Variants in DOCK1 observed in about 807,000 individuals in gnomAD.
DOCK1 encodes dedicator of cytokinesis 1.
DOCK1 carries 138 observed loss-of-function variants against 262.7 expected under a neutral mutation model. That is an observed-to-expected ratio of 0.53 (90% CI 0.46 to 0.61). The LOEUF (loss-of-function observed/expected upper bound fraction) is 0.61, where lower values mean the gene tolerates loss of function less well. Among genes scored for constraint, DOCK1 ranks in the 20% least tolerant of loss-of-function variants. DOCK1 has a pLI of 0.00. For missense variants in DOCK1, 1,908 were observed against 2,370.7 expected (o/e 0.80, Z 4.05); for synonymous variants, 866 against 867.4 (o/e 1.00, Z 0.03).
intron 1 of DOCK1, among the ~76,000 whole-genome samples, chr10:126,950,408 T>G (rs1421073929): frequency 6.6e-6 from 1 of 152,046 alleles, no homozygotes; most frequent in Non-Finnish European, 1.5e-5. Flanking sequence ...AGCTGTGACA[T>G]GTAAAGGCTC....
At chr10:126,953,525 ACTG>A (rs1312373951) in intron 1 of DOCK1, among the ~76,000 whole-genome samples, 2 of 150,790 alleles carry the variant, frequency 1.3e-5, no homozygotes, top group African/African-American at 2.4e-5. Flanking sequence ...TGGTGGTAGT[ACTG>A]CTGATGGTGG....
At chr10:127,034,635 A>G (rs535093007) in intron 18 of DOCK1, among the ~76,000 whole-genome samples, 64 of 152,256 alleles carry the variant, frequency 4.2e-4, no homozygotes, top group Admixed American at 1.8e-3. Flanking sequence ...AATTTAACCC[A>G]AAGGTGACAT....
At chr10:127,036,740 G>A (rs1331197571) in intron 18 of DOCK1, among the ~76,000 whole-genome samples, 2 of 151,960 alleles carry the variant, frequency 1.3e-5, no homozygotes, top group African/African-American at 2.4e-5. Flanking sequence ...TTGGGAGGCT[G>A]AGGCAGGTGG....
intron 23 of DOCK1, among the ~76,000 whole-genome samples, chr10:127,065,879 A>G (rs2045839029): frequency 6.6e-6 from 1 of 151,610 alleles, no homozygotes; most frequent in Non-Finnish European, 1.5e-5. Flanking sequence ...AAAAGAAAAG[A>G]CCTGGGGTCT....
intron 23 of DOCK1, among the ~76,000 whole-genome samples, chr10:127,081,884 A>G (rs745431947): frequency 1.6e-4 from 24 of 152,066 alleles, no homozygotes; most frequent in Non-Finnish European, 2.6e-4. Flanking sequence ...TCTCGTCACC[A>G]CCGTAATCAA....
intron 1 of DOCK1, among the ~76,000 whole-genome samples, chr10:126,949,032 G>T (rs1028525902): frequency 1.3e-5 from 2 of 152,092 alleles, no homozygotes; most frequent in Non-Finnish European, 2.9e-5. Flanking sequence ...CTTTGCTTTG[G>T]TTCCCTGGCC....
At chr10:127,071,989 C>T (rs933405614) in intron 23 of DOCK1, among the ~76,000 whole-genome samples, 5 of 152,160 alleles carry the variant, frequency 3.3e-5, no homozygotes, top group African/African-American at 7.2e-5. Flanking sequence ...GCCATGGTGG[C>T]TTCAGTGCTC....
At chr10:127,222,077 C>G (rs2058457638) in intron 27 of DOCK1, among the ~76,000 whole-genome samples, 1 of 152,146 alleles carries the variant, frequency 6.6e-6, no homozygotes, top group African/African-American at 2.4e-5. Flanking sequence ...TAATGAAATT[C>G]TATCAGGGAG....
At chr10:127,124,978 G>T (rs532073139) in intron 25 of DOCK1, among the ~76,000 whole-genome samples, 2 of 152,054 alleles carry the variant, frequency 1.3e-5, no homozygotes, top group Admixed American at 1.3e-4. Flanking sequence ...TTAGCTGGGC[G>T]TGGTGGCAGG....
intron 27 of DOCK1, among the ~76,000 whole-genome samples, chr10:127,157,833 C>T (rs2053229857): frequency 6.6e-6 from 1 of 152,124 alleles, no homozygotes; most frequent in East Asian, 1.9e-4. Flanking sequence ...GTTTGGAGTC[C>T]ATGAATGTCA....
intron 1 of DOCK1, 25 bp from the exon 2 acceptor site, chr10:126,970,677 T>C: frequency 1.9e-6 from 3 of 1,566,556 alleles, no homozygotes; most frequent in Non-Finnish European, 2.6e-6. Context: ...CTATTACTAA[T>C]ATATTTCCCC....
Position 127,146,401 on chromosome 10 carries a change from G to A in DOCK1, c.2847+18637G>A, listed in dbSNP as rs544329790. On this transcript the variant is annotated intron_variant, in intron 27 of 51. Transcript: ENST00000623213. ...AGTAAAAATGACTAAACCTAAATCC[G>A]TACATATTCGAGGGACATAAATAAT... 9.5e-4 allele frequency among the ~76,000 whole-genome samples: 144 copies of A among 152,140 alleles called. 1 individual carries two copies. Among genetic ancestry groups the A allele is most frequent in the Admixed American group, 9.3e-3 (142 of 15,280 alleles).
intron 15 of DOCK1, 169 bp downstream of exon 15, chr10:127,024,952 A>C: frequency 1.8e-6 from 1 of 549,920 alleles, no homozygotes. Flanking sequence ...GGTGTTTCTT[A>C]GAATACATTT....
intron 16 of DOCK1, among the ~76,000 whole-genome samples, chr10:127,029,215 G>A (rs569099955): frequency 5.9e-5 from 9 of 152,322 alleles, no homozygotes; most frequent in African/African-American, 1.9e-4. Flanking sequence ...AGCATCGCAG[G>A]TGCGATGCCG....
chr10:126,983,903 C>T (rs2039162207), intron 4 of DOCK1, among the ~76,000 whole-genome samples: 1 of 152,196 alleles, frequency 6.6e-6, no homozygotes, highest in Non-Finnish European at 1.5e-5. Flanking sequence ...GCAATGCCTC[C>T]TTATGTCTGG....
In DOCK1 at chr10:127,024,599, C is replaced by T. The variant is rs1591709732; in HGVS notation, c.1453-86C>T. The T allele has an allele frequency of 4.3e-5, 49 of 1,135,898 alleles. No individual in the cohort carries two copies. In the East Asian group the frequency reaches 1.3e-3, roughly 30 times the overall value. The allele number at this position is 1,135,898 out of a possible 1,614,324, so 70.4% of individuals were successfully genotyped here. On this transcript the variant is annotated intron_variant, in intron 14 of 51. Transcript: ENST00000623213. ...GTGTGTTGGTGTTCTTGGAGCGTAC[C>T]TGTCCCCCCACATATATAGTGGGAG... is the stretch of plus-strand genomic sequence containing the variant.
intron 38 of DOCK1, among the ~76,000 whole-genome samples, chr10:127,397,004 A>T (rs55992514): frequency 0.17 from 10,304 of 60,794 alleles, 34 homozygotes; most frequent in Middle Eastern, 0.21. Context: ...ACGGGCAGCG[A>T]CTCCTATGTG....
At chr10:127,302,914 C>G (rs2061739222) in intron 29 of DOCK1, among the ~76,000 whole-genome samples, 1 of 152,078 alleles carries the variant, frequency 6.6e-6, no homozygotes, top group African/African-American at 2.4e-5. Context: ...GAAAAGATGC[C>G]TCATTCTTTG....
intron 27 of DOCK1, among the ~76,000 whole-genome samples, chr10:127,214,545 C>T (rs2058120245): frequency 6.6e-6 from 1 of 152,188 alleles, no homozygotes; most frequent in South Asian, 2.1e-4. Context: ...CTGAATAATA[C>T]TCCTGTTGTA....
Sources: allele counts gnomAD v4.1 joint callset (sites outside exome capture counted in the v4.1 genomes callset), GRCh38; gene constraint gnomAD v4.1.1; transcripts MANE v1.5; gene names NCBI Gene and HGNC (gene_info 2026-07-23, HGNC 2026-07-21).